The following NEXMIF variants were observed in gnomAD, a reference collection of about 807,000 sequenced individuals.
NEXMIF encodes the protein XLMR protein related to neurite extension.
In NEXMIF, 8 loss-of-function variants were observed where a neutral mutation model predicts 62.1. The ratio of observed to expected loss-of-function variants is 0.13; its 90% CI spans 0.08 to 0.23. The LOEUF (loss-of-function observed/expected upper bound fraction) is 0.23. Ranked by LOEUF, NEXMIF falls within the 10% of genes least tolerant of loss-of-function variation. NEXMIF has a pLI of 1.00. For missense variants in NEXMIF, 976 were observed against 1,113.3 expected, an observed-to-expected ratio of 0.88 and a Z score of 1.75; for synonymous variants, 404 against 416.6, an observed-to-expected ratio of 0.97 and a Z score of 0.37.
At chrX:74,802,491 C>T (rs1289191837) in intron 1 of NEXMIF, among the ~76,000 whole-genome samples, 1 of 111,204 alleles carries the variant, frequency 9.0e-6, no homozygotes, top group Non-Finnish European at 1.9e-5. Flanking sequence ...TCTGCAAAAG[C>T]CGCAGAATTA....
chrX:74,793,769 G>A (rs1338153357), intron 1 of NEXMIF, among the ~76,000 whole-genome samples: 36 of 86,531 alleles, frequency 4.2e-4, no homozygotes, highest in East Asian at 3.7e-4. Context: ...TGATCGCATC[G>A]GCTCCTGAGG....
intron 1 of NEXMIF, among the ~76,000 whole-genome samples, chrX:74,877,843 A>T (rs1343295935): frequency 2.7e-5 from 3 of 111,575 alleles, no homozygotes; most frequent in African/African-American, 9.8e-5. Flanking sequence ...CAGCTCCATC[A>T]GCTCCTTTAA....
At chrX:74,867,678 A>C (rs745521837) in intron 1 of NEXMIF, among the ~76,000 whole-genome samples, 64 of 112,374 alleles carry the variant, frequency 5.7e-4, no homozygotes, top group African/African-American at 2.0e-3. Context: ...AACTATATAA[A>C]ACCTGGAAGA....
chrX:74,831,692 C>T (rs2080437836), intron 1 of NEXMIF, among the ~76,000 whole-genome samples: 1 of 111,385 alleles, frequency 9.0e-6, no homozygotes, highest in African/African-American at 3.3e-5. Flanking sequence ...GATTTATAAT[C>T]CTTTGGGTGA....
chrX:74,865,918 G>A lies in NEXMIF; in HGVS notation c.-48+58965C>T, dbSNP rs62610656. On this transcript the variant is annotated intron_variant, in intron 1 of 3. Transcript: ENST00000055682. ...GATGTCCAGGCAGAAGTTTGCTGCC[G>A]GGGTGGGGCCCTCATGGAGAACCTC... 5.2e-3 allele frequency among the ~76,000 whole-genome samples: 585 copies of A among 111,584 alleles called. 1 individual carries two copies. Among genetic ancestry groups the A allele is most frequent in the Middle Eastern group, 9.3e-3 (2 of 214 alleles).
In NEXMIF at chrX:74,803,228, G is replaced by A. The variant is rs181182975; in HGVS notation, c.-47-57531C>T. Among the ~76,000 whole-genome samples the A allele has an allele frequency of 3.4e-3, 383 of 111,470 alleles. 2 individuals are homozygous for A. Among genetic ancestry groups the A allele is most frequent in the African/African-American group, 0.012 (365 of 30,687 alleles). On this transcript the variant is annotated intron_variant, in intron 1 of 3. Transcript: ENST00000055682. ...AGTGCAAAAGGTTATAGAAGACCAA[G>A]CATATTTGACCCAAAGACTACCTCA... is the stretch of plus-strand genomic sequence containing the variant.
chrX:74,854,955 A>G (rs1352584670), intron 1 of NEXMIF, among the ~76,000 whole-genome samples: 1 of 112,353 alleles, frequency 8.9e-6, no homozygotes, highest in Non-Finnish European at 1.9e-5. Flanking sequence ...ATACTCATGG[A>G]TCAGAAAAAT....
At chrX:74,883,247 C>G (rs2080674013) in intron 1 of NEXMIF, among the ~76,000 whole-genome samples, 1 of 111,881 alleles carries the variant, frequency 8.9e-6, no homozygotes, top group African/African-American at 3.3e-5. Context: ...TGCCTCTCCT[C>G]CTCCAAAGGA....
chrX:74,912,420 T>C (rs1174116760), intron 1 of NEXMIF, among the ~76,000 whole-genome samples: 1 of 111,967 alleles, frequency 8.9e-6, no homozygotes, highest in African/African-American at 3.3e-5. Context: ...GGGAAGACTT[T>C]CCCTCTACTC....
At chrX:74,750,715 G>T (rs2080139386) in intron 1 of NEXMIF, among the ~76,000 whole-genome samples, 2 of 111,207 alleles carry the variant, frequency 1.8e-5, no homozygotes, top group African/African-American at 6.5e-5. Flanking sequence ...TCTATTTTCA[G>T]ATATCTATCA....
intron 1 of NEXMIF, among the ~76,000 whole-genome samples, chrX:74,757,173 C>A (rs987123712): frequency 1.5e-4 from 17 of 112,353 alleles, no homozygotes; most frequent in Non-Finnish European, 2.6e-4. Flanking sequence ...AACTTCAGTT[C>A]TTCAGTAATA....
chrX:74,792,979 A>G (rs1348321630), intron 1 of NEXMIF, among the ~76,000 whole-genome samples: 1 of 108,294 alleles, frequency 9.2e-6, no homozygotes, highest in Non-Finnish European at 1.9e-5. Flanking sequence ...ATTTACGTTT[A>G]AAGTTAATAT....
chrX:74,776,727 C>CA (rs35129554), intron 1 of NEXMIF, among the ~76,000 whole-genome samples: 36,932 of 64,539 alleles, frequency 0.57, 11,778 homozygotes, highest in Non-Finnish European at 0.77. Context: ...AACTCAGTCT[C>CA]AAAAAAAAAA....
chrX:74,881,605 T>A (rs778991849), intron 1 of NEXMIF, among the ~76,000 whole-genome samples: 2 of 76,767 alleles, frequency 2.6e-5, no homozygotes, highest in East Asian at 5.3e-3. Flanking sequence ...TTTGGAAGCA[T>A]CTGTGTCCTC....
At chrX:74,746,657 T>A (rs1433958320) in intron 1 of NEXMIF, among the ~76,000 whole-genome samples, 2 of 112,444 alleles carry the variant, frequency 1.8e-5, no homozygotes, top group Admixed American at 9.5e-5. Flanking sequence ...AAAAAGTAGG[T>A]TCAGCATTGA....
chrX:74,910,231 T>C (rs2080784005), intron 1 of NEXMIF, among the ~76,000 whole-genome samples: 1 of 112,219 alleles, frequency 8.9e-6, no homozygotes. Flanking sequence ...AGGGGTGCCA[T>C]ACCCTGCAAA....
rs1332990390 is a variant in NEXMIF at position 74,874,874 on chromosome X, C to G, written c.-48+50009G>C. On this transcript the variant is annotated intron_variant, in intron 1 of 3. Transcript: ENST00000055682. ...CTGAGACTTTGCTGAAGTTGCTTATCAGCTTAAGGATATTTTGGGCTGAGA... is the reference window on the plus strand; with the variant it reads ...CTGAGACTTTGCTGAAGTTGCTTATGAGCTTAAGGATATTTTGGGCTGAGA... 8.4e-5 allele frequency among the ~76,000 whole-genome samples: 9 copies of G among 107,151 alleles called. 1 individual carries two copies. In the Admixed American group the frequency reaches 9.1e-4, roughly 11 times the overall value. The allele number at this position is 107,151 out of a possible 115,157, so 93.0% of individuals were successfully genotyped here.
intron 1 of NEXMIF, among the ~76,000 whole-genome samples, chrX:74,877,769 G>T (rs1195370698): frequency 9.0e-6 from 1 of 111,477 alleles, no homozygotes; most frequent in Non-Finnish European, 1.9e-5. Flanking sequence ...ACCGTTTCTT[G>T]CAGTTGATCG....
chrX:74,823,686 A>G (rs1248612021), intron 1 of NEXMIF, among the ~76,000 whole-genome samples: 1 of 92,266 alleles, frequency 1.1e-5, no homozygotes, highest in Non-Finnish European at 2.1e-5. Context: ...GCAGAAAGAG[A>G]CAGAGAAAGA....
Sources: allele counts gnomAD v4.1 joint callset (sites outside exome capture counted in the v4.1 genomes callset), GRCh38; gene constraint gnomAD v4.1.1; transcripts MANE v1.5; gene names NCBI Gene and HGNC (gene_info 2026-07-23, HGNC 2026-07-21).